The following TXNDC11 variants were observed in gnomAD, a reference collection of about 807,000 sequenced individuals.
TXNDC11 encodes the protein thioredoxin domain-containing protein 11.
A neutral mutation model predicts 78.0 loss-of-function variants in TXNDC11; 68 were observed. That is an observed-to-expected ratio of 0.87 (90% CI 0.72 to 1.07). TXNDC11 has a LOEUF of 1.07. Ranked by LOEUF, TXNDC11 falls within the 50% of genes least tolerant of loss-of-function variation. The pLI is 0.00. For missense variants in TXNDC11, 1,389 were observed against 1,221.8 expected (o/e 1.14, Z -2.04); for synonymous variants, 571 against 495.2 (o/e 1.15, Z -2.03).
intron 7 of TXNDC11, among the ~76,000 whole-genome samples, chr16:11,693,006 C>A (rs2050762811): frequency 6.6e-6 from 1 of 152,180 alleles, no homozygotes; most frequent in African/African-American, 2.4e-5. Context: ...TTTGCACCTC[C>A]AGTGTCCCTG....
chr16:11,685,258 G>T (rs1245420647), intron 10 of TXNDC11, among the ~76,000 whole-genome samples: 2 of 151,842 alleles, frequency 1.3e-5, no homozygotes, highest in African/African-American at 4.8e-5. Context: ...TGGGAAGGTG[G>T]GAGAATCACC....
At chr16:11,712,501 T>C (rs1440491906) in intron 5 of TXNDC11, among the ~76,000 whole-genome samples, 1 of 152,214 alleles carries the variant, frequency 6.6e-6, no homozygotes, top group Non-Finnish European at 1.5e-5. Context: ...TGGCTCCTGC[T>C]GATGGCAGGA....
chr16:11,692,384 CAG>C (rs1473693832), intron 7 of TXNDC11: 11 of 306,888 alleles, frequency 3.6e-5, no homozygotes, highest in African/African-American at 2.4e-4. Flanking sequence ...TCAACTGTCT[CAG>C]TATCACAGTG....
intron 5 of TXNDC11, among the ~76,000 whole-genome samples, chr16:11,701,911 G>C (rs1034223884): frequency 6.6e-6 from 1 of 151,952 alleles, no homozygotes; most frequent in African/African-American, 2.4e-5. Flanking sequence ...ATGTTTGTTA[G>C]GAGTCACATG....
chr16:11,699,540 G>A (rs934137873), intron 6 of TXNDC11, among the ~76,000 whole-genome samples: 1 of 152,176 alleles, frequency 6.6e-6, no homozygotes, highest in Non-Finnish European at 1.5e-5. Context: ...ATTTCCATTC[G>A]GAAAACACAA....
intron 3 of TXNDC11, 41 bp from the exon 4 acceptor site, chr16:11,730,815 A>T: frequency 7.0e-7 from 1 of 1,426,606 alleles, no homozygotes; most frequent in Non-Finnish European, 9.4e-7. Flanking sequence ...AATAATAAAA[A>T]TAATACACCA....
At chr16:11,742,453 GC>G (rs1189717234) in intron 1 of TXNDC11, 23 bp downstream of exon 1, 1 of 1,390,080 alleles carries the variant, frequency 7.2e-7, no homozygotes, top group Admixed American at 3.6e-5. Flanking sequence ...CCCTAGCGGG[GC>G]CCCAGGGTCC....
intron 2 of TXNDC11, among the ~76,000 whole-genome samples, chr16:11,735,087 CTT>C (rs753228846): frequency 1.3e-5 from 2 of 152,178 alleles, no homozygotes; most frequent in African/African-American, 2.4e-5. Flanking sequence ...CTAAAGCATG[CTT>C]TTTGTGTTCA....
intron 5 of TXNDC11, among the ~76,000 whole-genome samples, chr16:11,714,639 CAA>C (rs200245176): frequency 7.2e-6 from 1 of 138,046 alleles, no homozygotes. Flanking sequence ...GACTCCGTCT[CAA>C]AAAAAAAAAA....
intron 1 of TXNDC11, among the ~76,000 whole-genome samples, chr16:11,740,118 A>C (rs994904877): frequency 6.6e-6 from 1 of 151,234 alleles, no homozygotes; most frequent in Non-Finnish European, 1.5e-5. Flanking sequence ...ACTTGATCCC[A>C]GGAGGCAGAG....
intron 5 of TXNDC11, among the ~76,000 whole-genome samples, chr16:11,705,645 A>G (rs1036748125): frequency 1.3e-5 from 2 of 152,258 alleles, no homozygotes; most frequent in African/African-American, 4.8e-5. Flanking sequence ...TGCCTTAATA[A>G]GAATGGACAG....
chr16:11,730,641 G>A lies in TXNDC11; in HGVS notation c.699+4C>T. On this transcript the variant is annotated splice_donor_region_variant and intron_variant, in intron 4 of 11. Transcript: ENST00000283033. ...ATGGAGGAGGAGATATGAAAGACAAGTACCTCGTAGTTTGAGAGAAAATCT... is the reference window on the plus strand; with the variant it reads ...ATGGAGGAGGAGATATGAAAGACAAATACCTCGTAGTTTGAGAGAAAATCT... 6.2e-7 allele frequency: 1 copy of A among 1,613,394 alleles called. No homozygotes were observed. Among genetic ancestry groups the A allele is most frequent in the South Asian group, 1.1e-5 (1 of 91,034 alleles).
intron 10 of TXNDC11, among the ~76,000 whole-genome samples, chr16:11,685,459 C>T (rs1301759291): frequency 6.6e-6 from 1 of 152,066 alleles, no homozygotes; most frequent in Non-Finnish European, 1.5e-5. Flanking sequence ...TCCTGGCTAA[C>T]GCGGTGAAAC....
intron 5 of TXNDC11, among the ~76,000 whole-genome samples, chr16:11,709,147 T>TA (rs1269551801): frequency 6.6e-6 from 1 of 151,982 alleles, no homozygotes; most frequent in African/African-American, 2.4e-5. Context: ...CTTCTTAATA[T>TA]AAAGCACAAA....
intron 1 of TXNDC11, among the ~76,000 whole-genome samples, chr16:11,737,317 C>T (rs762277191): frequency 3.3e-5 from 5 of 151,364 alleles, no homozygotes; most frequent in Non-Finnish European, 5.9e-5. Context: ...TGGTGATGGG[C>T]GCCTGTAATC....
intron 4 of TXNDC11, among the ~76,000 whole-genome samples, chr16:11,726,437 C>G (rs959360911): frequency 1.3e-5 from 2 of 151,670 alleles, no homozygotes; most frequent in South Asian, 4.2e-4. Flanking sequence ...AAAAATTAAC[C>G]GGGCATGGTG....
intron 10 of TXNDC11, 138 bp from the exon 11 acceptor site, chr16:11,684,383 C>T: frequency 3.2e-6 from 2 of 615,518 alleles, no homozygotes; most frequent in South Asian, 1.9e-5. Flanking sequence ...GATGAATGTA[C>T]TACCAGGTGT....
chr16:11,740,148 A>T (rs1010854725), intron 1 of TXNDC11, among the ~76,000 whole-genome samples: 11 of 101,256 alleles, frequency 1.1e-4, no homozygotes, highest in African/African-American at 6.8e-4. Flanking sequence ...AGCCAAGATA[A>T]AAAAAAAAAA....
intron 1 of TXNDC11, among the ~76,000 whole-genome samples, chr16:11,738,432 G>A (rs769048958): frequency 6.6e-6 from 1 of 152,230 alleles, no homozygotes; most frequent in South Asian, 2.1e-4. Flanking sequence ...CTAGCACTGC[G>A]TGTTGTCGAG....
Sources: allele counts gnomAD v4.1 joint callset (sites outside exome capture counted in the v4.1 genomes callset), GRCh38; gene constraint gnomAD v4.1.1; transcripts MANE v1.5; gene names NCBI Gene and HGNC (gene_info 2026-07-23, HGNC 2026-07-21).